Variants in NFXL1 observed in about 807,000 individuals in gnomAD.
NFXL1 encodes NF-X1-type zinc finger protein NFXL1.
In NFXL1, 66 loss-of-function variants were observed where a neutral mutation model predicts 123.3. The ratio of observed to expected loss-of-function variants is 0.54; its 90% CI spans 0.44 to 0.66. The LOEUF (loss-of-function observed/expected upper bound fraction) is 0.66. Ranked by LOEUF, NFXL1 falls within the 30% of genes least tolerant of loss-of-function variation. The pLI, the probability that NFXL1 is intolerant of heterozygous loss-of-function variation, is 0.00. For synonymous variants in NFXL1, 346 were observed against 360.8 expected (o/e 0.96, Z 0.46); for missense variants, 944 against 1,125.6 (o/e 0.84, Z 2.31).
At chr4:47,879,900 A>AGTTAAC (rs1299857215) in intron 15 of NFXL1, among the ~76,000 whole-genome samples, 1 of 152,226 alleles carries the variant, frequency 6.6e-6, no homozygotes, top group African/African-American at 2.4e-5. Context: ...GGCAGACCCT[A>AGTTAAC]AGCCTTTCAC....
chr4:47,881,488 CAA>C (rs1430577983), intron 15 of NFXL1, among the ~76,000 whole-genome samples: 1 of 152,084 alleles, frequency 6.6e-6, no homozygotes, highest in African/African-American at 2.4e-5. Context: ...CAAAGCTAAA[CAA>C]AGTCTTACCA....
chr4:47,896,436 A>G, intron 10 of NFXL1, 87 bp downstream of exon 10: 3 of 1,014,220 alleles, frequency 3.0e-6, no homozygotes, highest in Non-Finnish European at 4.5e-6. Context: ...TATGAAAATA[A>G]GTAATAGAAA....
chr4:47,903,439 A>G (rs780239397), intron 4 of NFXL1, 116 bp from the exon 5 acceptor site: 194 of 567,640 alleles, frequency 3.4e-4, no homozygotes, highest in Non-Finnish European at 4.1e-4. Context: ...GATTAAAGAA[A>G]AAAGGTCTTT....
intron 21 of NFXL1, 64 bp downstream of exon 21, chr4:47,851,792 T>C: frequency 9.1e-7 from 1 of 1,094,334 alleles, no homozygotes; most frequent in Non-Finnish European, 1.4e-6. Context: ...AATAAGTACA[T>C]AAATGCACAA....
At chr4:47,887,225 AAAGG>A (rs1736489998) in intron 12 of NFXL1, among the ~76,000 whole-genome samples, 3 of 152,328 alleles carry the variant, frequency 2.0e-5, no homozygotes, top group African/African-American at 7.2e-5. Context: ...ATGAAATAAT[AAAGG>A]AAGAAGAGTT....
intron 10 of NFXL1, among the ~76,000 whole-genome samples, 171 bp downstream of exon 10, chr4:47,896,352 G>T (rs1737085026): frequency 6.6e-6 from 1 of 152,100 alleles, no homozygotes; most frequent in South Asian, 2.1e-4. Context: ...AATAAAACGT[G>T]GTATGCCTGT....
At chr4:47,894,503 TTTG>T (rs1480606540) in intron 10 of NFXL1, among the ~76,000 whole-genome samples, 1 of 151,900 alleles carries the variant, frequency 6.6e-6, no homozygotes, top group Non-Finnish European at 1.5e-5. Flanking sequence ...TTCATATAAA[TTTG>T]TTATTAAATT....
At chr4:47,896,084 C>A (rs943948066) in intron 10 of NFXL1, among the ~76,000 whole-genome samples, 9 of 152,168 alleles carry the variant, frequency 5.9e-5, no homozygotes, top group African/African-American at 2.2e-4. Flanking sequence ...ATTAAAGTCA[C>A]TGTCTAATAG....
chr4:47,871,542 C>A (rs1288831342), intron 18 of NFXL1, among the ~76,000 whole-genome samples: 1 of 152,082 alleles, frequency 6.6e-6, no homozygotes, highest in African/African-American at 2.4e-5. Flanking sequence ...ATCGTAGTAA[C>A]AACTCATTTA....
At chr4:47,860,858 G>GTT (rs796712404) in intron 19 of NFXL1, among the ~76,000 whole-genome samples, 9 of 146,196 alleles carry the variant, frequency 6.2e-5, no homozygotes, top group African/African-American at 2.0e-4. Flanking sequence ...AGCAATCTGT[G>GTT]TTTTTTTTTT....
intron 10 of NFXL1, among the ~76,000 whole-genome samples, chr4:47,894,664 C>G (rs1327805374): frequency 4.6e-5 from 7 of 151,924 alleles, no homozygotes; most frequent in Non-Finnish European, 8.8e-5. Context: ...GGACTTGGTA[C>G]TGTGGTCAAA....
At chr4:47,878,973 C>T (rs1030876939) in intron 16 of NFXL1, 123 bp downstream of exon 16, 2 of 637,246 alleles carry the variant, frequency 3.1e-6, no homozygotes, top group Non-Finnish European at 5.4e-6. Flanking sequence ...AACTCTTGTA[C>T]TCTTTATAAC....
rs1173416427 is a variant in NFXL1, at chr4:47,914,042, G to C, written c.162C>G (p.Val54=). The change falls in exon 2 of 23, where the codon GTC becomes GTG. Residue 54 remains valine, a synonymous_variant. Coordinates refer to ENST00000507489, the MANE Select transcript of NFXL1 (RefSeq NM_001278624.2). ...TGCTCCCTGCAGCCGCCGTGGTCGC[G>C]ACTCCTCCGGGACTGGTGCCAGAAG... ...AVPSGTSPGG[V]ATTAAAGSRH... is the part of the protein sequence containing the mutation. 1 of 1,549,228 alleles carries C rather than the reference G, an allele frequency of 6.5e-7. No homozygotes were observed. Among genetic ancestry groups the C allele is most frequent in the East Asian group, 2.4e-5 (1 of 40,914 alleles).
intron 15 of NFXL1, among the ~76,000 whole-genome samples, 197 bp downstream of exon 15, chr4:47,884,149 T>C (rs1479927205): frequency 1.3e-5 from 2 of 152,100 alleles, no homozygotes; most frequent in African/African-American, 2.4e-5. Flanking sequence ...AAAAAAGATA[T>C]CTATAGTAGG....
Position 47,848,282 on chromosome 4 carries a change from T to C in NFXL1, c.2617A>G (p.Lys873Glu), listed in dbSNP as rs780205852. ...AGCTCAACTGCCACTTCATCTCTTTTCCTGTTCTTCTTCCGACGACCCTTC... is the reference window on the plus strand; with the variant it reads ...AGCTCAACTGCCACTTCATCTCTTTCCCTGTTCTTCTTCCGACGACCCTTC... ...RLKGRRKKNR[K>E]RDEVAVELSL... The change falls in exon 23 of 23, where the codon AAA becomes GAA. Residue 873 changes from lysine (K) to glutamate (E), a missense_variant. Transcript: ENST00000507489. 21 of 1,612,796 alleles carry C rather than the reference T, an allele frequency of 1.3e-5. 1 individual carries two copies.
rs762573804 is a variant in NFXL1, at chr4:47,914,395, T to C, written c.-33A>G. On this transcript the variant is annotated 5_prime_UTR_variant, in exon 1 of 23. Transcript: ENST00000507489. The stretch of plus-strand genomic sequence containing the variant: ...GGCGAGTCCCCGCCAAGCCCGGGCT[T>C]TGGAGATGGACCGAAGAGGGGAGGG... 4.1e-5 allele frequency: 22 copies of C among 541,888 alleles called. No individual in the cohort carries two copies. Among genetic ancestry groups the C allele is most frequent in the Non-Finnish European group, 6.9e-5 (21 of 304,998 alleles). 33.6% of individuals were successfully genotyped at this position (541,888 alleles called of 1,614,324 possible).
intron 2 of NFXL1, among the ~76,000 whole-genome samples, chr4:47,911,563 T>C (rs963793144): frequency 2.0e-5 from 3 of 152,208 alleles, no homozygotes; most frequent in Non-Finnish European, 2.9e-5. Flanking sequence ...TCAAGAACTT[T>C]TTGCCTTTAT....
intron 2 of NFXL1, 132 bp downstream of exon 2, chr4:47,913,837 A>C: frequency 1.4e-5 from 8 of 560,390 alleles, no homozygotes; most frequent in Non-Finnish European, 1.8e-5. Flanking sequence ...AGGCTGGAGA[A>C]GTGGGCCCGA....
intron 17 of NFXL1, among the ~76,000 whole-genome samples, chr4:47,876,257 G>A (rs779323956): frequency 1.3e-5 from 2 of 151,994 alleles, no homozygotes; most frequent in African/African-American, 4.8e-5. Flanking sequence ...TATGTGAGGA[G>A]GTAAAGAACA....
Sources: gnomAD v4.1 joint callset for allele counts (sites outside exome capture counted in the v4.1 genomes callset) on GRCh38, gnomAD v4.1.1 for gene constraint, MANE v1.5 for transcripts, NCBI Gene and HGNC (gene_info 2026-07-23, HGNC 2026-07-21) for gene names.